Variants in LRBA observed in about 807,000 individuals in gnomAD.
The protein encoded by LRBA is lipopolysaccharide-responsive and beige-like anchor protein.
Under a neutral mutation model 330.0 loss-of-function variants are expected in LRBA, and 176 were observed. That is an observed-to-expected ratio of 0.53 (90% CI 0.47 to 0.60). The LOEUF (loss-of-function observed/expected upper bound fraction) is 0.60. Ranked by LOEUF, LRBA falls within the 20% of genes least tolerant of loss-of-function variation. The pLI is 0.00. For synonymous variants in LRBA, 1,230 were observed against 1,193.0 expected, an observed-to-expected ratio of 1.03 and a Z score of -0.64; for missense variants, 3,259 against 3,444.8, an observed-to-expected ratio of 0.95 and a Z score of 1.35.
chr4:150,500,128 A>T lies in LRBA; in HGVS notation c.6331-9093T>A, dbSNP rs944466383. ...TAGTGAATGTTCCCAACATGAAGAA[A>T]GGATGTTTGACATGATTAATATGCT... is the stretch of plus-strand genomic sequence containing the variant. On this transcript the variant is annotated intron_variant, in intron 40 of 56. Transcript: ENST00000651943. Among the ~76,000 whole-genome samples the T allele has an allele frequency of 5.9e-5, 9 of 152,334 alleles. No individual in the cohort carries two copies. The South Asian group carries it at 1.7e-3, about 28-fold the overall frequency.
chr4:150,428,468 G>A (rs531775244), intron 46 of LRBA, among the ~76,000 whole-genome samples: 56 of 152,058 alleles, frequency 3.7e-4, no homozygotes, highest in Admixed American at 6.6e-4. Context: ...AAAATGAGAT[G>A]TTAGTAGTCC....
intron 47 of LRBA, among the ~76,000 whole-genome samples, chr4:150,374,494 TC>T (rs1740932186): frequency 6.6e-6 from 1 of 152,172 alleles, no homozygotes; most frequent in Admixed American, 6.5e-5. Context: ...AGCTTCAGAC[TC>T]CTGCTCTCTG....
intron 48 of LRBA, among the ~76,000 whole-genome samples, chr4:150,347,561 A>C (rs967872345): frequency 6.6e-6 from 1 of 151,558 alleles, no homozygotes; most frequent in Admixed American, 6.6e-5. Context: ...CAGGAGAATC[A>C]CTTGAACCCA....
At chr4:151,008,673 G>T (rs940959665) in intron 2 of LRBA, among the ~76,000 whole-genome samples, 1 of 151,636 alleles carries the variant, frequency 6.6e-6, no homozygotes, top group Non-Finnish European at 1.5e-5. Flanking sequence ...CTCAATGAAG[G>T]TTTAAAAAAG....
At chr4:150,669,756 G>C (rs1315804102) in intron 37 of LRBA, among the ~76,000 whole-genome samples, 1 of 152,062 alleles carries the variant, frequency 6.6e-6, no homozygotes, top group Non-Finnish European at 1.5e-5. Context: ...AGTAGATACA[G>C]GGTTTCACCA....
At chr4:150,556,295 A>T (rs1047457628) in intron 40 of LRBA, among the ~76,000 whole-genome samples, 34 of 152,200 alleles carry the variant, frequency 2.2e-4, no homozygotes, top group Non-Finnish European at 4.3e-4. Flanking sequence ...GATGGATGGT[A>T]ATCAAAAACA....
rs150689840 is a variant in LRBA at position 150,749,247 on chromosome 4, G to GA, written c.5645+12535dup. ...AATACCAAAAGCGCAGGCAATAACA[G>GA]AAAAAAAAAATAGATAAACTGGACT... On this transcript the variant is annotated intron_variant, in intron 35 of 56. Transcript: ENST00000651943. 1.7e-3 allele frequency among the ~76,000 whole-genome samples: 253 copies of GA among 148,174 alleles called. 1 individual carries two copies. Among genetic ancestry groups the GA allele is most frequent in the African/African-American group, 5.6e-3 (225 of 40,526 alleles).
intron 36 of LRBA, among the ~76,000 whole-genome samples, chr4:150,690,961 G>A (rs1318614466): frequency 3.2e-5 from 4 of 126,076 alleles, no homozygotes; most frequent in African/African-American, 6.0e-5. Flanking sequence ...ACAGAGTCTC[G>A]CTCTGTCGCC....
At chr4:150,713,033 C>T (rs1786388692) in intron 36 of LRBA, among the ~76,000 whole-genome samples, 1 of 152,052 alleles carries the variant, frequency 6.6e-6, no homozygotes, top group Admixed American at 6.6e-5. Context: ...ACCACCTGGA[C>T]TCAAGCAATC....
intron 35 of LRBA, among the ~76,000 whole-genome samples, chr4:150,737,587 A>G (rs1731374938): frequency 1.3e-5 from 2 of 152,160 alleles, no homozygotes; most frequent in African/African-American, 4.8e-5. Flanking sequence ...ATCCTCAGTA[A>G]GTATCCTTCA....
intron 22 of LRBA, among the ~76,000 whole-genome samples, chr4:150,862,731 C>G (rs1362132347): frequency 6.7e-6 from 1 of 150,130 alleles, no homozygotes; most frequent in Admixed American, 6.6e-5. Flanking sequence ...AATCCTAACA[C>G]TTTAGGAGGT....
chr4:150,523,773 G>A (rs903828033), intron 40 of LRBA, among the ~76,000 whole-genome samples: 1 of 151,982 alleles, frequency 6.6e-6, no homozygotes, highest in Non-Finnish European at 1.5e-5. Flanking sequence ...GGAAGAGTAG[G>A]AATTAAGTTC....
At chr4:150,671,602 C>A (rs573458916) in intron 37 of LRBA, among the ~76,000 whole-genome samples, 1 of 152,282 alleles carries the variant, frequency 6.6e-6, no homozygotes, top group African/African-American at 2.4e-5. Context: ...AAAGTACATA[C>A]AATTTCTCAT....
Position 150,844,563 on chromosome 4 carries a change from AG to A in LRBA, c.4461+94del, listed in dbSNP as rs1749573076. ...TAAAGTAACTATTTTAATCTCTGCCAGATTTATTTAACTTTATGTTGAAATG... is the reference window on the plus strand; with the variant it reads ...TAAAGTAACTATTTTAATCTCTGCCAATTTATTTAACTTTATGTTGAAATG... On this transcript the variant is annotated intron_variant, in intron 27 of 56. Coordinates refer to ENST00000651943, the MANE Select transcript of LRBA (RefSeq NM_001364905.1). The A allele has an allele frequency of 4.4e-6, 5 of 1,141,558 alleles. No individual in the cohort carries two copies. The Admixed American group carries it at 1.3e-4, about 29-fold the overall frequency. The allele number at this position is 1,141,558 out of a possible 1,614,324, so 70.7% of individuals were successfully genotyped here.
rs34282784 is a variant in LRBA, at chr4:150,954,817, CAAAAAAA to C, written c.217-25759_217-25753del. 6.6e-5 allele frequency among the ~76,000 whole-genome samples: 3 copies of C among 45,502 alleles called. 1 individual carries two copies. Among genetic ancestry groups the C allele is most frequent in the African/African-American group, 4.1e-4 (3 of 7,322 alleles). The allele number at this position is 45,502 out of a possible 152,430, so 29.9% of individuals were successfully genotyped here. A position where few individuals can be genotyped will look rare whatever the true frequency, so the allele number is the denominator to read the frequency against. Reference sequence around the variant, plus strand: ...AAAAAAAGAACCTAGACTCAGAAATCAAAAAAAAAAAAAAAAAAAAAGAATAAAAGGA... The same window carrying C: ...AAAAAAAGAACCTAGACTCAGAAATCAAAAAAAAAAAAAAGAATAAAAGGA... On this transcript the variant is annotated intron_variant, in intron 2 of 56. Transcript: ENST00000651943.
intron 44 of LRBA, among the ~76,000 whole-genome samples, chr4:150,465,412 T>C (rs907933783): frequency 1.3e-5 from 2 of 152,156 alleles, no homozygotes; most frequent in African/African-American, 2.4e-5. Context: ...TCAATTCTTT[T>C]TAATTTTTTG....
chr4:150,410,224 A>G (rs1267432007), intron 47 of LRBA, among the ~76,000 whole-genome samples: 1 of 152,036 alleles, frequency 6.6e-6, no homozygotes, highest in Admixed American at 6.6e-5. Flanking sequence ...CCATTCAGAG[A>G]AAAAAATTAT....
chr4:150,896,583 T>A, intron 15 of LRBA, 127 bp from the exon 16 acceptor site: 1 of 509,240 alleles, frequency 2.0e-6, no homozygotes, highest in South Asian at 3.4e-5. Context: ...ATAGACAATC[T>A]AAATTTAAAA....
chr4:150,898,917 C>A (rs1211517024), intron 14 of LRBA, among the ~76,000 whole-genome samples: 1 of 152,116 alleles, frequency 6.6e-6, no homozygotes, highest in Admixed American at 6.5e-5. Flanking sequence ...TGAGGCTAAA[C>A]CAAGCTTATT....
Sources: allele counts gnomAD v4.1 joint callset (sites outside exome capture counted in the v4.1 genomes callset), GRCh38; gene constraint gnomAD v4.1.1; transcripts MANE v1.5; gene names NCBI Gene and HGNC (gene_info 2026-07-23, HGNC 2026-07-21).